The following ULK1 variants were observed in gnomAD, a reference collection of about 807,000 sequenced individuals.
The protein encoded by ULK1 is unc-51 like autophagy activating kinase 1, also known as serine/threonine-protein kinase ULK1.
Under a neutral mutation model 117.5 loss-of-function variants are expected in ULK1, and 48 were observed. The ratio of observed to expected loss-of-function variants is 0.41; its 90% CI spans 0.32 to 0.52. ULK1 has a LOEUF of 0.52. ULK1 is among the 20% of genes least tolerant of loss of function. The pLI is 0.29. For missense variants in ULK1, 1,387 were observed against 1,473.4 expected (o/e 0.94, Z 0.96); for synonymous variants, 790 against 637.8 (o/e 1.24, Z -3.60).
chr12:131,916,047 C>T lies in ULK1; in HGVS notation c.1766C>T (p.Pro589Leu). ...GTGTTCAGCCCACCACAGGCCAGCC[C>T]TCCCCAGCCGTCCCACGGCCTGCAG... ...GAVFSPPQASPPQPSHGLQSC... is the reference protein window; with the variant it reads ...GAVFSPPQASLPQPSHGLQSC... Residue 589 changes from proline to leucine, a missense_variant, in exon 19 of 28, where the codon CCT (proline) becomes CTT (leucine). Coordinates refer to ENST00000321867, the MANE Select transcript of ULK1 (RefSeq NM_003565.4). 1 of 1,612,420 alleles carries T rather than the reference C, an allele frequency of 6.2e-7. No homozygotes were observed. Among genetic ancestry groups the T allele is most frequent in the Non-Finnish European group, 8.5e-7 (1 of 1,179,792 alleles).
intron 22 of ULK1, 110 bp from the exon 23 acceptor site, chr12:131,918,387 A>T: frequency 7.5e-7 from 1 of 1,334,782 alleles, no homozygotes; most frequent in Non-Finnish European, 1.0e-6. Context: ...ACAGGTGTAA[A>T]CCGAGGCAGA....
Position 131,915,329 on chromosome 12 carries a change from C to A in ULK1, c.1523-6C>A, listed in dbSNP as rs1459920051. The A allele has an allele frequency of 1.2e-6, 2 of 1,612,556 alleles. No individual in the cohort carries two copies. Among genetic ancestry groups the A allele is most frequent in the African/African-American group, 2.7e-5 (2 of 74,940 alleles). On this transcript the variant is annotated splice_region_variant and splice_polypyrimidine_tract_variant and intron_variant, in intron 17 of 27. Transcript: ENST00000321867. ...TGGACCCTGACAGATCTCTCTTTTC[C>A]CCAAGTTGGAACCATCCCTGAGCGG...
intron 3 of ULK1, among the ~76,000 whole-genome samples, chr12:131,899,378 A>G (rs931207498): frequency 3.3e-5 from 5 of 152,002 alleles, no homozygotes; most frequent in Admixed American, 6.6e-5. Flanking sequence ...AGTAGAGACA[A>G]GGTTTCTCTG....
In ULK1 at chr12:131,907,525, C is replaced by T. The variant is rs1889323634; in HGVS notation, c.310C>T (p.Leu104=). The T allele has an allele frequency of 3.1e-6, 5 of 1,612,102 alleles. No individual in the cohort carries two copies. The highest frequency in any genetic ancestry group is 2.7e-5 in the African/African-American group (2 of 75,048). ...YCNGGDLADY[L]HAMRTLSEDT... The stretch of plus-strand genomic sequence containing the variant: ...CAACGGTGGGGACCTGGCCGACTAC[C>T]TGCACGGTGAGTGCACAGCTGCGCC... Residue 104 remains leucine (L), a synonymous_variant, in exon 5 of 28, where the codon CTG becomes TTG. Transcript: ENST00000321867.
chr12:131,904,444 G>A (rs1024116690), intron 3 of ULK1, among the ~76,000 whole-genome samples: 4 of 152,208 alleles, frequency 2.6e-5, no homozygotes, highest in South Asian at 2.1e-4. Flanking sequence ...CACCGTACCC[G>A]GCCAGGCCTT....
Position 131,918,492 on chromosome 12 carries a change from T to C in ULK1, c.2327-5T>C. ...GGTGTGCCCCTCATCGCCCTCTCCCTGCAGCGGGCCCCACTGGCTCTGCCA... is the reference window on the plus strand; with the variant it reads ...GGTGTGCCCCTCATCGCCCTCTCCCCGCAGCGGGCCCCACTGGCTCTGCCA... On this transcript the variant is annotated splice_region_variant and splice_polypyrimidine_tract_variant and intron_variant, in intron 22 of 27. Coordinates refer to ENST00000321867, the MANE Select transcript of ULK1 (RefSeq NM_003565.4). 1.9e-6 allele frequency: 3 copies of C among 1,608,320 alleles called. No homozygotes were observed. The highest frequency in any genetic ancestry group is 2.5e-6 in the Non-Finnish European group (3 of 1,178,072).
chr12:131,917,618 G>C (rs1036081638), intron 22 of ULK1, 64 bp downstream of exon 22: 1 of 1,308,768 alleles, frequency 7.6e-7, no homozygotes, highest in African/African-American at 1.5e-5. Flanking sequence ...TAGCGGACGG[G>C]GGCATCCTTT....
intron 3 of ULK1, 97 bp from the exon 4 acceptor site, chr12:131,906,795 G>T (rs1281403498): frequency 6.6e-7 from 1 of 1,511,014 alleles, no homozygotes; most frequent in East Asian, 2.3e-5. Context: ...TCCTGGCACT[G>T]CAGGGCCTGC....
Position 131,921,089 on chromosome 12 carries a change from C to T in ULK1, c.2962-11C>T, listed in dbSNP as rs907995481. The T allele has an allele frequency of 6.3e-6, 10 of 1,582,614 alleles. No individual in the cohort carries two copies. The African/African-American group carries it at 9.4e-5, about 15-fold the overall frequency. Reference sequence around the variant, plus strand: ...GAGCTGGCCCTGTCCAGCCTCTGTCCTCGCCCCCAGGTGCAGTCGGCTGCC... The same window carrying T: ...GAGCTGGCCCTGTCCAGCCTCTGTCTTCGCCCCCAGGTGCAGTCGGCTGCC... On this transcript the variant is annotated splice_polypyrimidine_tract_variant and intron_variant, in intron 26 of 27. Transcript: ENST00000321867.
At chr12:131,897,481 C>G (rs1384699723) in intron 3 of ULK1, 2 of 152,204 alleles carry the variant, frequency 1.3e-5, no homozygotes, top group Admixed American at 1.3e-4. Flanking sequence ...CACCGGTGTC[C>G]TTCCCCGCCA....
At position 131,916,421 on chromosome 12, in the gene ULK1, G is replaced by C. The variant is rs200492543; in HGVS notation, c.1902G>C (p.Pro634=). The change falls in exon 20 of 28, where the codon CCG becomes CCC. Residue 634 remains proline, a synonymous_variant. Coordinates refer to ENST00000321867, the MANE Select transcript of ULK1 (RefSeq NM_003565.4). The part of the protein sequence containing the change: ...PTKAVPSFDF[P]KTPSSQNLLA... ...AGGCTGTGCCCTCCTTTGACTTCCC[G>C]AAGACCCCCAGCTCCCAGAACCTGC... 5 of 1,591,442 alleles carry C rather than the reference G, an allele frequency of 3.1e-6. No individual in the cohort carries two copies. In the African/African-American group the frequency reaches 5.4e-5, roughly 17 times the overall value.
chr12:131,918,984 TCGGGTGTGTGGGGTG>T (rs1890020771), intron 23 of ULK1, among the ~76,000 whole-genome samples: 2 of 91,942 alleles, frequency 2.2e-5, no homozygotes, highest in Non-Finnish European at 4.8e-5. Flanking sequence ...GTGTGGGGTG[TCGGGTGTGTGGGGTG>T]CAGGGTGTGT....
intron 15 of ULK1, 68 bp downstream of exon 15, chr12:131,913,904 GTGTGT>G: frequency 7.5e-7 from 1 of 1,327,128 alleles, no homozygotes; most frequent in Non-Finnish European, 9.9e-7. Flanking sequence ...TGGGCTTCCT[GTGTGT>G]CGCAGCCAGC....
intron 21 of ULK1, among the ~76,000 whole-genome samples, 166 bp from the exon 22 acceptor site, chr12:131,917,242 GTTC>G (rs1889870686): frequency 1.9e-5 from 2 of 106,366 alleles, no homozygotes; most frequent in Non-Finnish European, 4.2e-5. Flanking sequence ...CGGGGGTCGG[GTTC>G]GGCTCGGAGG....
Position 131,910,561 on chromosome 12 carries a change from G to A in ULK1, c.860-151G>A, listed in dbSNP as rs1349919003. 3.4e-6 allele frequency: 5 copies of A among 1,482,298 alleles called. No homozygotes were observed. In the East Asian group the frequency reaches 7.0e-5, roughly 21 times the overall value. 91.8% of individuals were successfully genotyped at this position (1,482,298 alleles called of 1,614,324 possible). On this transcript the variant is annotated intron_variant, in intron 11 of 27. Transcript: ENST00000321867. ...TGCTGCCCTGTGACAGTCATAGGGT[G>A]GCCCAGGAGGGAGCCTCCCTCCTTC... is the stretch of plus-strand genomic sequence containing the variant.
chr12:131,907,494 G>T lies in ULK1; in HGVS notation c.280-1G>T. 1 of 1,612,872 alleles carries T rather than the reference G, an allele frequency of 6.2e-7. No homozygotes were observed. Among genetic ancestry groups the T allele is most frequent in the East Asian group, 2.2e-5 (1 of 44,872 alleles). ...CCTGATGCGTGTCTGGTCTCTTGCA[G>T]TACTGCAACGGTGGGGACCTGGCCG... On this transcript the variant is annotated splice_acceptor_variant, in intron 4 of 27. Transcript: ENST00000321867. LOFTEE classifies it high-confidence loss of function.
intron 23 of ULK1, 102 bp from the exon 24 acceptor site, chr12:131,919,110 A>G (rs1047742246): frequency 2.2e-6 from 3 of 1,362,464 alleles, no homozygotes. Flanking sequence ...AGGGGAGGGT[A>G]CCCTGCCCTG....
intron 16 of ULK1, among the ~76,000 whole-genome samples, 199 bp downstream of exon 16, chr12:131,914,676 ATC>A (rs147208040): frequency 6.6e-6 from 1 of 152,324 alleles, no homozygotes; most frequent in Non-Finnish European, 1.5e-5. Context: ...GATCAGTAAA[ATC>A]TCTCTAGTTT....
At position 131,918,591 on chromosome 12, in the gene ULK1, C is replaced by G. The variant is rs371788092; in HGVS notation, c.2421C>G (p.His807Gln). Reference sequence around the variant, plus strand: ...CCCCTGAGCTCCCTGCTCCAGGACACGGCTGCAGCTTTGCCGACCCCATTA... The same window carrying G: ...CCCCTGAGCTCCCTGCTCCAGGACAGGGCTGCAGCTTTGCCGACCCCATTA... ...APAPELPAPG[H>Q]GCSFADPITA... The change falls in exon 23 of 28, where the codon CAC (histidine) becomes CAG (glutamine). Residue 807 changes from histidine to glutamine, a missense_variant. Physicochemically the swap from His to Gln is conservative, Grantham distance 24. Coordinates refer to ENST00000321867, the MANE Select transcript of ULK1 (RefSeq NM_003565.4). 8 of 1,610,592 alleles carry G rather than the reference C, an allele frequency of 5.0e-6. No homozygotes were observed. In the African/African-American group the frequency reaches 6.7e-5, roughly 13 times the overall value.
Sources: gnomAD v4.1 joint callset for allele counts (sites outside exome capture counted in the v4.1 genomes callset) on GRCh38, gnomAD v4.1.1 for gene constraint, MANE v1.5 for transcripts, NCBI Gene and HGNC (gene_info 2026-07-23, HGNC 2026-07-21) for gene names.